The following NRXN3 variants were observed in gnomAD, a reference collection of about 807,000 sequenced individuals.
NRXN3 encodes the protein neurexin 3, also known as neurexin III.
NRXN3 carries 32 observed loss-of-function variants against 137.6 expected under a neutral mutation model. That is an observed-to-expected ratio of 0.23 (90% CI 0.18 to 0.31). The LOEUF (loss-of-function observed/expected upper bound fraction) is 0.31. Ranked by LOEUF, NRXN3 falls within the 10% of genes least tolerant of loss-of-function variation. The pLI is 1.00. For synonymous variants in NRXN3, 798 were observed against 784.5 expected, an observed-to-expected ratio of 1.02 and a Z score of -0.29; for missense variants, 1,574 against 2,062.5, an observed-to-expected ratio of 0.76 and a Z score of 4.59.
At chr14:78,944,204 C>A (rs2099360845) in intron 10 of NRXN3, among the ~76,000 whole-genome samples, 1 of 152,152 alleles carries the variant, frequency 6.6e-6, no homozygotes, top group East Asian at 1.9e-4. Context: ...GATCTTTTCA[C>A]TTCTGGCTAC....
At chr14:79,296,447 G>GGA (rs565272917) in intron 15 of NRXN3, among the ~76,000 whole-genome samples, 5 of 139,506 alleles carry the variant, frequency 3.6e-5, no homozygotes, top group African/African-American at 1.3e-4. Context: ...ATATACTTGG[G>GGA]AAAAAAAAAA....
At chr14:78,615,909 A>T (rs1047935628) in intron 4 of NRXN3, among the ~76,000 whole-genome samples, 1 of 152,216 alleles carries the variant, frequency 6.6e-6, no homozygotes, top group African/African-American at 2.4e-5. Flanking sequence ...GAAGTAAGCT[A>T]TGATTAAATC....
chr14:78,883,322 G>T (rs1392553786), intron 10 of NRXN3, among the ~76,000 whole-genome samples: 1 of 152,114 alleles, frequency 6.6e-6, no homozygotes, highest in Non-Finnish European at 1.5e-5. Flanking sequence ...CTGTAAAGAA[G>T]AGTGACTGGA....
chr14:78,833,951 A>T (rs1353981207), intron 10 of NRXN3, among the ~76,000 whole-genome samples: 1 of 152,220 alleles, frequency 6.6e-6, no homozygotes, highest in East Asian at 1.9e-4. Context: ...GAGACAGGTC[A>T]TTAGCAACTC....
intron 20 of NRXN3, among the ~76,000 whole-genome samples, chr14:79,857,077 A>G (rs1467060163): frequency 4.6e-5 from 7 of 152,182 alleles, no homozygotes; most frequent in African/African-American, 1.4e-4. Context: ...TTTTGTAGGC[A>G]TGGGACACAT....
At chr14:78,956,556 T>C (rs1342042754) in intron 10 of NRXN3, among the ~76,000 whole-genome samples, 1 of 152,220 alleles carries the variant, frequency 6.6e-6, no homozygotes, top group African/African-American at 2.4e-5. Context: ...TTTGGAACTT[T>C]ACATCATTTC....
At chr14:79,378,589 A>T (rs2094375319) in intron 15 of NRXN3, among the ~76,000 whole-genome samples, 1 of 152,206 alleles carries the variant, frequency 6.6e-6, no homozygotes, top group African/African-American at 2.4e-5. Context: ...ATTATGGTGC[A>T]TACCATGGTG....
chr14:79,374,240 A>G (rs991350700), intron 15 of NRXN3, among the ~76,000 whole-genome samples: 6 of 152,154 alleles, frequency 3.9e-5, no homozygotes, highest in African/African-American at 1.4e-4. Flanking sequence ...AGCTCCCGTA[A>G]TTAACTGAAC....
At chr14:79,419,902 C>T (rs967995012) in intron 15 of NRXN3, among the ~76,000 whole-genome samples, 3 of 152,144 alleles carry the variant, frequency 2.0e-5, no homozygotes, top group Non-Finnish European at 2.9e-5. Flanking sequence ...TAAGGAGCTG[C>T]AGAAGCTCTC....
chr14:78,178,576 C>G (rs1260054334), intron 1 of NRXN3, among the ~76,000 whole-genome samples: 7 of 152,280 alleles, frequency 4.6e-5, no homozygotes, highest in Non-Finnish European at 1.0e-4. Context: ...CCTAAACCTG[C>G]ATGGGACAGC....
intron 16 of NRXN3, among the ~76,000 whole-genome samples, chr14:79,619,882 G>C (rs2098203397): frequency 6.6e-6 from 1 of 152,060 alleles, no homozygotes; most frequent in African/African-American, 2.4e-5. Flanking sequence ...GTGGTCTGTG[G>C]GTTTTTAGAA....
At position 78,957,371 on chromosome 14, in the gene NRXN3, A is replaced by T; in HGVS notation, c.2395+10A>T. 2 of 1,607,626 alleles carry T rather than the reference A, an allele frequency of 1.2e-6. No homozygotes were observed. The highest frequency in any genetic ancestry group is 1.7e-6 in the Non-Finnish European group (2 of 1,179,046). On this transcript the variant is annotated intron_variant, in intron 11 of 20. Transcript: ENST00000335750. ...GATGATGTGGCTGAGGGTGAGTATG[A>T]CTATGGTGAAATTCGTCTGTCTTTT...
intron 1 of NRXN3, among the ~76,000 whole-genome samples, chr14:78,227,075 C>T (rs2064770088): frequency 6.6e-6 from 1 of 152,206 alleles, no homozygotes; most frequent in African/African-American, 2.4e-5. Context: ...GAAGCTCCCT[C>T]TGGGCTCAAC....
At chr14:78,916,635 C>T (rs1477236487) in intron 10 of NRXN3, among the ~76,000 whole-genome samples, 2 of 152,112 alleles carry the variant, frequency 1.3e-5, no homozygotes, top group African/African-American at 4.8e-5. Flanking sequence ...AGTTCATGTT[C>T]AGCCATGTAC....
At chr14:79,365,730 AAAAAAAAAAAAAAAG>A (rs1434887679) in intron 15 of NRXN3, among the ~76,000 whole-genome samples, 3 of 143,930 alleles carry the variant, frequency 2.1e-5, no homozygotes, top group Non-Finnish European at 3.1e-5. Context: ...TGTCTCAAAA[AAAAAAAAAAAAAAAG>A]AAAAAAAAGA....
intron 7 of NRXN3, among the ~76,000 whole-genome samples, chr14:78,711,803 CA>C (rs1341005296): frequency 6.6e-6 from 1 of 152,136 alleles, no homozygotes. Context: ...ACTGAGTAAA[CA>C]AACAATTGTC....
At chr14:79,767,081 G>A (rs962235578) in intron 19 of NRXN3, among the ~76,000 whole-genome samples, 1 of 152,152 alleles carries the variant, frequency 6.6e-6, no homozygotes, top group African/African-American at 2.4e-5. Context: ...TCTTGTTCTT[G>A]TGTAAAAATT....
chr14:78,997,894 A>G lies in NRXN3; in HGVS notation c.3262+9753A>G, dbSNP rs142375287. Among the ~76,000 whole-genome samples, 24 of 152,286 alleles carry G rather than the reference A, an allele frequency of 1.6e-4. No individual in the cohort carries two copies. In the East Asian group the frequency reaches 4.4e-3, roughly 28 times the overall value. On this transcript the variant is annotated intron_variant, in intron 15 of 20. Coordinates refer to ENST00000335750, the MANE Select transcript of NRXN3 (RefSeq NM_001330195.2). ...GAGTATATATAAATGGAATCATACAATATGTGATCTTTTAGGTCTGTTTTC... is the reference window on the plus strand; with the variant it reads ...GAGTATATATAAATGGAATCATACAGTATGTGATCTTTTAGGTCTGTTTTC...
At chr14:79,851,185 G>C (rs948586066) in intron 20 of NRXN3, among the ~76,000 whole-genome samples, 7 of 152,098 alleles carry the variant, frequency 4.6e-5, no homozygotes, top group Non-Finnish European at 8.8e-5. Context: ...CTCACACTTA[G>C]ACCGGTTATG....
Sources: allele counts gnomAD v4.1 joint callset (sites outside exome capture counted in the v4.1 genomes callset), GRCh38; gene constraint gnomAD v4.1.1; transcripts MANE v1.5; gene names NCBI Gene and HGNC (gene_info 2026-07-23, HGNC 2026-07-21).